WWP1: variants seen among roughly 807,000 people sequenced by gnomAD.
The protein encoded by WWP1 is WW domain containing E3 ubiquitin protein ligase 1, also known as NEDD4-like E3 ubiquitin-protein ligase WWP1.
In WWP1, 49 loss-of-function variants were observed where a neutral mutation model predicts 130.6. The observed-to-expected ratio is 0.38, with a 90% CI of 0.30 to 0.48. The LOEUF (loss-of-function observed/expected upper bound fraction) is 0.48, where lower values mean the gene tolerates loss of function less well. Among genes scored for constraint, WWP1 ranks in the 20% least tolerant of loss-of-function variants. The pLI, the probability that WWP1 is intolerant of heterozygous loss-of-function variation, is 0.99. For synonymous variants in WWP1, 332 were observed against 367.8 expected (o/e 0.90, Z 1.11); for missense variants, 809 against 1,100.6 (o/e 0.74, Z 3.75).
intron 5 of WWP1, among the ~76,000 whole-genome samples, chr8:86,389,699 C>T (rs1041902278): frequency 6.6e-6 from 1 of 152,124 alleles, no homozygotes; most frequent in Admixed American, 6.5e-5. Flanking sequence ...GGCGGCCAGG[C>T]AGACGGGCTC....
At chr8:86,363,917 T>C (rs1015044964) in intron 1 of WWP1, among the ~76,000 whole-genome samples, 3 of 152,142 alleles carry the variant, frequency 2.0e-5, no homozygotes, top group African/African-American at 7.2e-5. Flanking sequence ...GTAGTGTACG[T>C]GAAACACATT....
chr8:86,419,158 G>T (rs1057274800), intron 9 of WWP1, among the ~76,000 whole-genome samples: 1 of 152,126 alleles, frequency 6.6e-6, no homozygotes, highest in Non-Finnish European at 1.5e-5. Context: ...GGTGGCTCCC[G>T]TCTGTAATCC....
chr8:86,422,738 G>A (rs546439163), intron 9 of WWP1, among the ~76,000 whole-genome samples: 40 of 151,982 alleles, frequency 2.6e-4, no homozygotes, highest in African/African-American at 8.9e-4. Context: ...AGAAATTAAC[G>A]GGAATCACAG....
intron 5 of WWP1, among the ~76,000 whole-genome samples, chr8:86,383,439 G>A (rs898491644): frequency 6.6e-6 from 1 of 152,184 alleles, no homozygotes; most frequent in Non-Finnish European, 1.5e-5. Flanking sequence ...CTCACGAATT[G>A]TATAAGCTAA....
At chr8:86,372,617 A>G (rs551465020) in intron 2 of WWP1, among the ~76,000 whole-genome samples, 1 of 152,316 alleles carries the variant, frequency 6.6e-6, no homozygotes, top group Admixed American at 6.5e-5. Flanking sequence ...TATGATGTGC[A>G]GTAGGGGTCC....
Position 86,445,984 on chromosome 8 carries a change from T to C in WWP1, c.1999-2164T>C, listed in dbSNP as rs1295801077. Reference sequence around the variant, plus strand: ...TTCTTTTCTTTTCTTTTCTTTTTTTTTTTTTTTTTTTTTTGAGACAAGAGT... The same window carrying C: ...TTCTTTTCTTTTCTTTTCTTTTTTTCTTTTTTTTTTTTTTGAGACAAGAGT... On this transcript the variant is annotated intron_variant, in intron 18 of 24. Coordinates refer to ENST00000517970, the MANE Select transcript of WWP1 (RefSeq NM_007013.4). Among the ~76,000 whole-genome samples the C allele has an allele frequency of 9.8e-3, 1,313 of 133,732 alleles. 31 individuals are homozygous for C. Among genetic ancestry groups the C allele is most frequent in the African/African-American group, 0.035 (1,242 of 35,728 alleles). The allele number at this position is 133,732 out of a possible 152,430, so 87.7% of individuals were successfully genotyped here.
At chr8:86,435,836 T>A in intron 16 of WWP1, 132 bp downstream of exon 16, 1 of 772,052 alleles carries the variant, frequency 1.3e-6, no homozygotes. Context: ...CCACCACCAC[T>A]TGTTGAGTGC....
intron 1 of WWP1, among the ~76,000 whole-genome samples, chr8:86,362,187 T>TACAAGGC (rs1554554029): frequency 7.6e-6 from 1 of 131,458 alleles, no homozygotes; most frequent in African/African-American, 3.0e-5. Context: ...TATATATATA[T>TACAAGGC]ATATATATAT....
rs1389858234 is a variant in WWP1 at position 86,430,702 on chromosome 8, A to G, written c.1338A>G (p.Ser446=). The change falls in exon 12 of 25, where the codon TCA becomes TCG. Residue 446 remains serine (S), a synonymous_variant. Coordinates refer to ENST00000517970, the MANE Select transcript of WWP1 (RefSeq NM_007013.4). Reference sequence around the variant, plus strand: ...CTAATCTTTTCTCCAATCAGGCTTCAATGTTAGCTGCAGAAAATGACCCTT... The same window carrying G: ...CTAATCTTTTCTCCAATCAGGCTTCGATGTTAGCTGCAGAAAATGACCCTT... ...QFNQRYLYSA[S]MLAAENDPYG... is the part of the protein sequence containing the mutation. 1 of 1,582,700 alleles carries G rather than the reference A, an allele frequency of 6.3e-7. No homozygotes were observed. The highest frequency in any genetic ancestry group is 8.6e-7 in the Non-Finnish European group (1 of 1,163,000).
At chr8:86,364,947 GAA>G (rs1031947814) in intron 1 of WWP1, among the ~76,000 whole-genome samples, 7 of 151,874 alleles carry the variant, frequency 4.6e-5, no homozygotes, top group Non-Finnish European at 8.8e-5. Flanking sequence ...CTTTCTATAA[GAA>G]AATGAAGTGG....
At chr8:86,464,520 A>ATT (rs34035790) in intron 24 of WWP1, among the ~76,000 whole-genome samples, 4 of 150,172 alleles carry the variant, frequency 2.7e-5, no homozygotes, top group Non-Finnish European at 5.9e-5. Context: ...TTGGAAATCC[A>ATT]TTTTTTTTTT....
At chr8:86,346,467 A>T (rs1436542368) in intron 1 of WWP1, among the ~76,000 whole-genome samples, 3 of 152,188 alleles carry the variant, frequency 2.0e-5, no homozygotes, top group Non-Finnish European at 4.4e-5. Context: ...TACCTTCAGA[A>T]TATTCTTTTC....
chr8:86,452,412 TCATA>T, intron 20 of WWP1, 143 bp from the exon 21 acceptor site: 1 of 595,888 alleles, frequency 1.7e-6, no homozygotes, highest in South Asian at 3.1e-5. Flanking sequence ...TTATATGTAT[TCATA>T]CATATACACA....
At chr8:86,453,945 T>C (rs1464169349) in intron 21 of WWP1, among the ~76,000 whole-genome samples, 1 of 152,194 alleles carries the variant, frequency 6.6e-6, no homozygotes. Flanking sequence ...GGCCTTTTAT[T>C]AAGAAACTTG....
chr8:86,411,271 G>T (rs1161295553), intron 8 of WWP1, among the ~76,000 whole-genome samples: 1 of 152,006 alleles, frequency 6.6e-6, no homozygotes, highest in Non-Finnish European at 1.5e-5. Context: ...CTTAATGCTG[G>T]TTCCTCTCTC....
chr8:86,404,018 A>T (rs1033470731), intron 8 of WWP1, among the ~76,000 whole-genome samples: 1 of 152,210 alleles, frequency 6.6e-6, no homozygotes, highest in East Asian at 1.9e-4. Context: ...TAAAACTGCT[A>T]CTATTTCTAA....
At chr8:86,401,884 A>T (rs1027816547) in intron 7 of WWP1, 135 bp from the exon 8 acceptor site, 1 of 854,274 alleles carries the variant, frequency 1.2e-6, no homozygotes, top group Admixed American at 3.7e-5. Context: ...ATTGTTTGGA[A>T]ATAGAATCTA....
At chr8:86,381,009 G>A in intron 4 of WWP1, 145 bp downstream of exon 4, 2 of 1,139,858 alleles carry the variant, frequency 1.8e-6, no homozygotes, top group South Asian at 2.7e-5. Context: ...AGAAATTTTT[G>A]GTTAAATTTT....
chr8:86,422,349 A>T (rs1282624779), intron 9 of WWP1, among the ~76,000 whole-genome samples: 1 of 100,366 alleles, frequency 1.0e-5, no homozygotes, highest in Non-Finnish European at 2.6e-5. Flanking sequence ...TTATTTATTT[A>T]TTTATTTATT....
Sources: allele counts gnomAD v4.1 joint callset (sites outside exome capture counted in the v4.1 genomes callset), GRCh38; gene constraint gnomAD v4.1.1; transcripts MANE v1.5; gene names NCBI Gene and HGNC (gene_info 2026-07-23, HGNC 2026-07-21).